The following MICAL2 variants were observed in gnomAD, a reference collection of about 807,000 sequenced individuals.
The protein encoded by MICAL2 is microtubule associated monooxygenase, calponin and LIM domain containing 2.
A neutral mutation model predicts 127.3 loss-of-function variants in MICAL2; 77 were observed. That is an observed-to-expected ratio of 0.60 (90% CI 0.50 to 0.73). MICAL2 has a LOEUF of 0.73. Ranked by LOEUF, MICAL2 falls within the 30% of genes least tolerant of loss-of-function variation. MICAL2 has a pLI of 0.00. For synonymous variants in MICAL2, 570 were observed against 551.1 expected (o/e 1.03, Z -0.48); for missense variants, 1,351 against 1,434.4 (o/e 0.94, Z 0.94).
At chr11:12,123,053 T>C (rs973880635) in intron 1 of MICAL2, among the ~76,000 whole-genome samples, 1 of 152,104 alleles carries the variant, frequency 6.6e-6, no homozygotes, top group Non-Finnish European at 1.5e-5. Flanking sequence ...TGTTTTTTTT[T>C]AATCAAATCT....
intron 3 of MICAL2, among the ~76,000 whole-genome samples, chr11:12,172,766 CCAGA>C: frequency 6.6e-6 from 1 of 152,206 alleles, no homozygotes; most frequent in East Asian, 1.9e-4. Flanking sequence ...CAGGTACCAC[CCAGA>C]ACAGGAGAGG....
At chr11:12,317,733 G>A (rs535533291) in intron 29 of MICAL2, among the ~76,000 whole-genome samples, 9 of 151,906 alleles carry the variant, frequency 5.9e-5, no homozygotes, top group Admixed American at 1.3e-4. Context: ...CGGAGGTTGC[G>A]GTGAGCCCAG....
At chr11:12,134,278 A>T (rs1851661679) in intron 1 of MICAL2, among the ~76,000 whole-genome samples, 1 of 152,206 alleles carries the variant, frequency 6.6e-6, no homozygotes. Context: ...TCCTTTAAAA[A>T]GAGTTGTTTT....
chr11:12,317,085 C>A lies in MICAL2; in HGVS notation c.5213-2611C>A, dbSNP rs146431436. On this transcript the variant is annotated intron_variant, in intron 29 of 34. Transcript: ENST00000646065. ...TTATGTATCTATAGTTTACTATAAG[C>A]AATAGACTCAAGGGGATTTCTATGC... Among the ~76,000 whole-genome samples the A allele has an allele frequency of 3.1e-3, 471 of 152,312 alleles. 4 individuals carry two copies. The highest frequency in any genetic ancestry group is 0.011 in the African/African-American group (454 of 41,558).
rs756635710 is a variant in MICAL2 at position 12,262,136 on chromosome 11, G to T, written c.3335-344G>T. The T allele has an allele frequency of 4.3e-6, 5 of 1,165,862 alleles. No homozygotes were observed. The African/African-American group carries it at 7.9e-5, about 18-fold the overall frequency. 72.2% of individuals were successfully genotyped at this position (1,165,862 alleles called of 1,614,324 possible). Reference sequence around the variant, plus strand: ...TTGAACCTTTCTGGTGGGCAGCACCGACACCCAGGGGTGGACCCCCGAGGA... The same window carrying T: ...TTGAACCTTTCTGGTGGGCAGCACCTACACCCAGGGGTGGACCCCCGAGGA... On this transcript the variant is annotated intron_variant, in intron 26 of 27. Coordinates refer to ENST00000683283, the MANE Select transcript of MICAL2 (RefSeq NM_001282663.2).
At position 12,220,416 on chromosome 11, in the gene MICAL2, G is replaced by T. The variant is rs377568326; in HGVS notation, c.1164G>T (p.Ala388=). The change falls in exon 9 of 28, where the codon GCG becomes GCT. Residue 388 remains alanine (A), a synonymous_variant. Transcript: ENST00000683283. ...CGGCCCTGGTGCGGGAGCGGCAGGC[G>T]CACCAGCTGCTCGTGGCCCTTGTGG... ...ENAALVRERQ[A]HQLLVALVGD... is the part of the protein sequence containing the mutation. 12 of 1,612,498 alleles carry T rather than the reference G, an allele frequency of 7.4e-6. No individual in the cohort carries two copies. The highest frequency in any genetic ancestry group is 1.7e-5 in the Admixed American group (1 of 60,014).
intron 2 of MICAL2, among the ~76,000 whole-genome samples, chr11:12,140,701 T>A (rs1009088): frequency 0.089 from 13,505 of 152,294 alleles, 850 homozygotes; most frequent in Admixed American, 0.17. Flanking sequence ...TTCCTCCTCC[T>A]GACATTGAGA....
chr11:12,139,650 C>T (rs1294641069), intron 2 of MICAL2, among the ~76,000 whole-genome samples: 1 of 152,162 alleles, frequency 6.6e-6, no homozygotes, highest in Non-Finnish European at 1.5e-5. Flanking sequence ...CAGGAATTCT[C>T]ATTCTTAGTA....
chr11:12,292,205 C>T (rs1863913063), downstream of MICAL2: 1 of 1,614,020 alleles, frequency 6.2e-7, no homozygotes, highest in African/African-American at 1.3e-5. Flanking sequence ...TTCTCTTCCT[C>T]TTCCTTCATC....
chr11:12,340,125 C>T (rs1590745020), intron 32 of MICAL2, among the ~76,000 whole-genome samples: 2 of 152,148 alleles, frequency 1.3e-5, no homozygotes, highest in African/African-American at 4.8e-5. Context: ...CCCTCAGATA[C>T]AGACGGTCAA....
At chr11:12,349,813 C>T (rs372230497) in intron 32 of MICAL2, 2 of 1,608,250 alleles carry the variant, frequency 1.2e-6, no homozygotes, top group African/African-American at 2.7e-5. Flanking sequence ...CAATCTAACC[C>T]ATTTGCTGTT....
intron 22 of MICAL2, chr11:12,249,900 T>C (rs1029340263): frequency 2.0e-5 from 3 of 152,298 alleles, no homozygotes; most frequent in African/African-American, 7.2e-5. Context: ...GTGCCAGGAA[T>C]GTCGAGGTGA....
chr11:12,152,809 T>G (rs1255484634), intron 2 of MICAL2, among the ~76,000 whole-genome samples: 2 of 152,230 alleles, frequency 1.3e-5, no homozygotes, highest in Non-Finnish European at 2.9e-5. Flanking sequence ...TTCATTGACC[T>G]AATGATTTAT....
chr11:12,180,574 C>T (rs1857336186), intron 3 of MICAL2, among the ~76,000 whole-genome samples: 1 of 152,104 alleles, frequency 6.6e-6, no homozygotes, highest in Admixed American at 6.6e-5. Flanking sequence ...TAAAGCTTTT[C>T]TGTTTACAGA....
Position 12,255,824 on chromosome 11 carries a change from G to A in MICAL2, c.2955+74G>A, listed in dbSNP as rs901753829. On this transcript the variant is annotated intron_variant, in intron 23 of 27. Transcript: ENST00000683283. ...TCCCAGGGCGGGCACATGGGATGTC[G>A]AGAGGATGCCCTGGCCCTCCCGAGG... 23 of 1,219,264 alleles carry A rather than the reference G, an allele frequency of 1.9e-5. No homozygotes were observed. The Admixed American group carries it at 2.4e-4, about 13-fold the overall frequency. 75.5% of individuals were successfully genotyped at this position (1,219,264 alleles called of 1,614,324 possible).
intron 29 of MICAL2, among the ~76,000 whole-genome samples, chr11:12,318,443 T>C (rs1864255646): frequency 6.6e-6 from 1 of 152,220 alleles, no homozygotes; most frequent in Admixed American, 6.5e-5. Context: ...TTTGCATTAT[T>C]TTGCTTTGAA....
intron 32 of MICAL2, among the ~76,000 whole-genome samples, chr11:12,346,677 C>T (rs1938960586): frequency 6.6e-6 from 1 of 152,174 alleles, no homozygotes; most frequent in Admixed American, 6.5e-5. Flanking sequence ...TGTGTTCTCA[C>T]AAGAGGCATG....
At chr11:12,333,915 T>G (rs10765943) in intron 32 of MICAL2, among the ~76,000 whole-genome samples, 99,560 of 151,960 alleles carry the variant, frequency 0.66, 33,019 homozygotes, top group Non-Finnish European at 0.71. Context: ...ATATAAGCCA[T>G]CAGTAGCATT....
intron 3 of MICAL2, among the ~76,000 whole-genome samples, 189 bp downstream of exon 3, chr11:12,162,608 A>G (rs896155161): frequency 6.6e-6 from 1 of 152,162 alleles, no homozygotes; most frequent in African/African-American, 2.4e-5. Context: ...GGTTCCCTCC[A>G]CTCGTGCCCT....
Sources: gnomAD v4.1 joint callset for allele counts (sites outside exome capture counted in the v4.1 genomes callset) on GRCh38, gnomAD v4.1.1 for gene constraint, MANE v1.5 for transcripts, NCBI Gene and HGNC (gene_info 2026-07-23, HGNC 2026-07-21) for gene names.